Variants in ADGRV1 observed in about 807,000 individuals in gnomAD.
ADGRV1 encodes the protein adhesion G protein-coupled receptor V1.
ADGRV1 carries 359 observed loss-of-function variants against 596.2 expected under a neutral mutation model. The ratio of observed to expected loss-of-function variants is 0.60; its 90% CI spans 0.55 to 0.66. The LOEUF is 0.66. Ranked by LOEUF, ADGRV1 falls within the 30% of genes least tolerant of loss-of-function variation. ADGRV1 has a pLI of 0.00. For missense variants in ADGRV1, 7,274 were observed against 7,575.6 expected (o/e 0.96, Z 1.48); for synonymous variants, 2,681 against 2,679.2 (o/e 1.00, Z -0.02).
intron 85 of ADGRV1, among the ~76,000 whole-genome samples, chr5:91,040,518 G>C (rs1181265726): frequency 6.6e-6 from 1 of 152,120 alleles, no homozygotes; most frequent in Non-Finnish European, 1.5e-5. Flanking sequence ...TCACTTAGTT[G>C]TTAATTATAT....
intron 83 of ADGRV1, among the ~76,000 whole-genome samples, chr5:90,897,868 G>C (rs576198918): frequency 5.3e-5 from 8 of 152,262 alleles, no homozygotes; most frequent in Admixed American, 5.2e-4. Flanking sequence ...TGCAGATTTG[G>C]TGAACTTGCC....
intron 66 of ADGRV1, among the ~76,000 whole-genome samples, 193 bp downstream of exon 66, chr5:90,783,518 A>G (rs995551272): frequency 1.3e-5 from 2 of 151,638 alleles, no homozygotes; most frequent in Non-Finnish European, 2.9e-5. Context: ...ATGTCACTTC[A>G]TTTCAAATAA....
chr5:91,110,960 C>T (rs888748551), intron 87 of ADGRV1, among the ~76,000 whole-genome samples: 4 of 152,148 alleles, frequency 2.6e-5, no homozygotes, highest in Non-Finnish European at 4.4e-5. Context: ...GAATCATTCC[C>T]TATTTCAGAG....
At chr5:90,585,340 G>A (rs139714943) in intron 1 of ADGRV1, among the ~76,000 whole-genome samples, 1 of 152,142 alleles carries the variant, frequency 6.6e-6, no homozygotes, top group African/African-American at 2.4e-5. Flanking sequence ...TGCCCCTCAT[G>A]TGTATCTGTG....
At chr5:90,704,879 C>T (rs893728231) in intron 36 of ADGRV1, among the ~76,000 whole-genome samples, 2 of 151,902 alleles carry the variant, frequency 1.3e-5, no homozygotes, top group Admixed American at 6.6e-5. Context: ...GGCGCGATCT[C>T]GGTTCACTGC....
At chr5:91,107,264 G>A (rs1193351448) in intron 87 of ADGRV1, among the ~76,000 whole-genome samples, 2 of 152,164 alleles carry the variant, frequency 1.3e-5, no homozygotes, top group East Asian at 1.9e-4. Context: ...TTGGTTCAAA[G>A]GAGATTTTTT....
intron 42 of ADGRV1, among the ~76,000 whole-genome samples, chr5:90,716,239 G>C (rs1490971739): frequency 1.3e-5 from 2 of 152,236 alleles, no homozygotes; most frequent in Non-Finnish European, 2.9e-5. Context: ...TGCTTCATCA[G>C]GTTAAGGAAG....
intron 81 of ADGRV1, among the ~76,000 whole-genome samples, chr5:90,855,256 A>C (rs115956006): frequency 1.4e-4 from 22 of 152,286 alleles, no homozygotes; most frequent in African/African-American, 5.3e-4. Context: ...CACATAAGTC[A>C]CTCCAAAGTA....
chr5:90,934,499 C>T (rs559439656), intron 83 of ADGRV1, among the ~76,000 whole-genome samples: 42 of 152,324 alleles, frequency 2.8e-4, no homozygotes, highest in Middle Eastern at 6.8e-3. Flanking sequence ...CTACTGATCT[C>T]TCTCATGGTA....
chr5:90,586,767 C>G (rs910261508), intron 1 of ADGRV1, among the ~76,000 whole-genome samples: 1 of 152,200 alleles, frequency 6.6e-6, no homozygotes, highest in African/African-American at 2.4e-5. Flanking sequence ...GGTGACAGCT[C>G]AGTCCTTTCA....
intron 45 of ADGRV1, among the ~76,000 whole-genome samples, chr5:90,721,396 C>T (rs996759007): frequency 4.0e-5 from 6 of 151,532 alleles, no homozygotes; most frequent in African/African-American, 7.3e-5. Flanking sequence ...CCCAGCTACT[C>T]GGGAGGCTAA....
At chr5:90,660,628 G>A (rs1024046876) in intron 21 of ADGRV1, among the ~76,000 whole-genome samples, 11 of 152,158 alleles carry the variant, frequency 7.2e-5, no homozygotes, top group Non-Finnish European at 1.2e-4. Context: ...CCAGCACTTT[G>A]GGAAGCTGAG....
chr5:90,725,047 G>T (rs758615197), intron 46 of ADGRV1, 39 bp from the exon 47 acceptor site: 2 of 1,531,642 alleles, frequency 1.3e-6, no homozygotes, highest in African/African-American at 2.8e-5. Context: ...AATTTTAGAT[G>T]TATAATGAAT....
chr5:90,772,500 C>T (rs1428989324), intron 59 of ADGRV1, among the ~76,000 whole-genome samples: 3 of 152,126 alleles, frequency 2.0e-5, no homozygotes, highest in Non-Finnish European at 4.4e-5. Flanking sequence ...GTGATGTACC[C>T]TAAGTAGAAA....
chr5:90,681,781 G>A (rs62375107), intron 27 of ADGRV1, among the ~76,000 whole-genome samples: 18,213 of 151,680 alleles, frequency 0.12, 1,425 homozygotes, highest in Non-Finnish European at 0.17. Flanking sequence ...AATATCAATG[G>A]CTAGTACAAC....
rs1283742004 is a variant in ADGRV1 at position 90,756,969 on chromosome 5, T to A, written c.11758-10T>A. ...TTATCTTGCCTTTCAATTATATTCTTTACTTAAAGGGCGCTGGGGAAGTTA... is the reference window on the plus strand; with the variant it reads ...TTATCTTGCCTTTCAATTATATTCTATACTTAAAGGGCGCTGGGGAAGTTA... On this transcript the variant is annotated splice_polypyrimidine_tract_variant and intron_variant, in intron 56 of 89. Coordinates refer to ENST00000405460, the MANE Select transcript of ADGRV1 (RefSeq NM_032119.4). 1.3e-6 allele frequency: 2 copies of A among 1,567,662 alleles called. No homozygotes were observed. Among genetic ancestry groups the A allele is most frequent in the Non-Finnish European group, 1.7e-6 (2 of 1,158,530 alleles).
chr5:90,685,325 G>A (rs773807201), intron 28 of ADGRV1, among the ~76,000 whole-genome samples: 89 of 152,220 alleles, frequency 5.8e-4, no homozygotes, highest in Non-Finnish European at 1.2e-3. Context: ...GCTTATGCCT[G>A]TAATCCTAGC....
chr5:90,970,203 G>C (rs1778836911), intron 84 of ADGRV1, among the ~76,000 whole-genome samples: 1 of 152,208 alleles, frequency 6.6e-6, no homozygotes, highest in Non-Finnish European at 1.5e-5. Flanking sequence ...GCTGAGGTTT[G>C]AGTAGGTAAA....
chr5:90,921,563 A>T (rs1416176841), intron 83 of ADGRV1, among the ~76,000 whole-genome samples: 1 of 152,108 alleles, frequency 6.6e-6, no homozygotes, highest in Non-Finnish European at 1.5e-5. Context: ...CAGAGCTGCA[A>T]TTTCTTTTGC....
Sources: gnomAD v4.1 joint callset for allele counts (sites outside exome capture counted in the v4.1 genomes callset) on GRCh38, gnomAD v4.1.1 for gene constraint, MANE v1.5 for transcripts, NCBI Gene and HGNC (gene_info 2026-07-23, HGNC 2026-07-21) for gene names.